COL1A2: variants seen among roughly 807,000 people sequenced by gnomAD.
COL1A2 encodes collagen type I alpha 2 chain, also known as collagen alpha-2(I) chain.
COL1A2 carries 49 observed loss-of-function variants against 174.3 expected under a neutral mutation model. The ratio of observed to expected loss-of-function variants is 0.28; its 90% CI spans 0.22 to 0.36. COL1A2 has a LOEUF of 0.36. Ranked by LOEUF, COL1A2 falls within the 10% of genes least tolerant of loss-of-function variation. The pLI, the probability that COL1A2 is intolerant of heterozygous loss-of-function variation, is 1.00. For synonymous variants in COL1A2, 655 were observed against 606.6 expected (o/e 1.08, Z -1.17); for missense variants, 1,438 against 1,822.7 (o/e 0.79, Z 3.84).
chr7:94,408,168 T>A lies in COL1A2; in HGVS notation c.640-15T>A, dbSNP rs1197676844. ...TTAGCATTCTGGATTTTATTGAAAATATTTCTGCTTCTAGGGAGCCCGTGG... is the reference window on the plus strand; with the variant it reads ...TTAGCATTCTGGATTTTATTGAAAAAATTTCTGCTTCTAGGGAGCCCGTGG... On this transcript the variant is annotated splice_polypyrimidine_tract_variant and intron_variant, in intron 13 of 51. Transcript: ENST00000297268. 6.2e-7 allele frequency: 1 copy of A among 1,613,642 alleles called. No individual in the cohort carries two copies. The highest frequency in any genetic ancestry group is 8.5e-7 in the Non-Finnish European group (1 of 1,179,782).
Position 94,427,782 on chromosome 7 carries a change from T to C in COL1A2, c.3423T>C (p.Ser1141=). Residue 1141 remains serine, a synonymous_variant, in exon 49 of 52, where the codon TCT becomes TCC. Transcript: ENST00000297268. ...KDYEVDATLK[S]LNNQIETLLT... ...ATGAAGTTGATGCTACTCTGAAGTC[T>C]CTCAACAACCAGATTGAGACCCTTC... 2 of 1,614,114 alleles carry C rather than the reference T, an allele frequency of 1.2e-6. No homozygotes were observed. Among genetic ancestry groups the C allele is most frequent in the South Asian group, 2.2e-5 (2 of 91,070 alleles).
chr7:94,413,078 T>G lies in COL1A2; in HGVS notation c.1504-5T>G. 6.2e-7 allele frequency: 1 copy of G among 1,614,060 alleles called. No homozygotes were observed. The highest frequency in any genetic ancestry group is 8.5e-7 in the Non-Finnish European group (1 of 1,179,918). ...TCTTTGTTTTGTTTTTCATTTTTAC[T>G]CTAGGGTGATCCTGGCAAAAACGGT... is the stretch of plus-strand genomic sequence containing the variant. On this transcript the variant is annotated splice_region_variant and splice_polypyrimidine_tract_variant and intron_variant, in intron 25 of 51. Transcript: ENST00000297268.
At chr7:94,395,776 A>C (rs1050030279) in intron 1 of COL1A2, among the ~76,000 whole-genome samples, 7 of 152,224 alleles carry the variant, frequency 4.6e-5, no homozygotes, top group African/African-American at 1.7e-4. Flanking sequence ...CCTGGAAAGA[A>C]GAATGGATGC....
At position 94,425,159 on chromosome 7, in the gene COL1A2, C is replaced by T. The variant is rs1384188360; in HGVS notation, c.2716C>T (p.Arg906Cys). 5 of 1,614,020 alleles carry T rather than the reference C, an allele frequency of 3.1e-6. No homozygotes were observed. The highest frequency in any genetic ancestry group is 2.2e-5 in the East Asian group (1 of 44,888). ...TGGCATTGCCGGCCCTCCTGGGGCC[C>T]GTGGTCCTCCTGGTGCTGTGGGTAG... ...PLGIAGPPGA[R>C]GPPGAVGSPG... The change falls in exon 42 of 52, where the codon CGT becomes TGT. Residue 906 changes from arginine (R) to cysteine (C), a missense_variant. Physicochemically the swap from Arg to Cys is radical, Grantham distance 180. Around this residue, in one of 3 missense-constraint regions of COL1A2, gnomAD observed 867 missense variants for 1,213.7 expected, o/e 0.71. Transcript: ENST00000297268.
Position 94,399,042 on chromosome 7 carries a change from C to T in COL1A2, c.97-7C>T, listed in dbSNP as rs374282257. On this transcript the variant is annotated splice_polypyrimidine_tract_variant and splice_region_variant and intron_variant, in intron 3 of 51. Coordinates refer to ENST00000297268, the MANE Select transcript of COL1A2 (RefSeq NM_000089.4). ...TTATTATTGTCCTGTTTGTATCTTT[C>T]CTGTAGGGCCCAGCCGGAGATAGAG... 27 of 1,613,306 alleles carry T rather than the reference C, an allele frequency of 1.7e-5. No individual in the cohort carries two copies. The African/African-American group carries it at 3.5e-4, about 21-fold the overall frequency.
In COL1A2 at chr7:94,404,531, G is replaced by C. The variant is rs760977264; in HGVS notation, c.280-25G>C. ...CCATGACAACTTATCAGTGCTAACT[G>C]TTGATATATCTGCTTTCTTTACAGG... On this transcript the variant is annotated intron_variant, in intron 6 of 51. Transcript: ENST00000297268. 5 of 1,612,204 alleles carry C rather than the reference G, an allele frequency of 3.1e-6. No individual in the cohort carries two copies. The East Asian group carries it at 1.1e-4, about 36-fold the overall frequency.
rs757843290 is a variant in COL1A2 at position 94,401,531 on chromosome 7, A to T, written c.226-36A>T. 16 of 966,590 alleles carry T rather than the reference A, an allele frequency of 1.7e-5. No homozygotes were observed. The South Asian group carries it at 2.4e-4, about 14-fold the overall frequency. The allele number at this position is 966,590 out of a possible 1,614,324, so 59.9% of individuals were successfully genotyped here. On this transcript the variant is annotated intron_variant, in intron 5 of 51. Coordinates refer to ENST00000297268, the MANE Select transcript of COL1A2 (RefSeq NM_000089.4). ...CATGACTAGTAACTAAAAATATTTT[A>T]TATATATATATAATTTTTTTTTTTT...
intron 1 of COL1A2, 193 bp downstream of exon 1, chr7:94,395,294 G>A: frequency 1.4e-6 from 1 of 707,386 alleles, no homozygotes. Flanking sequence ...TAAAAGCCTT[G>A]CCAAAAGTTA....
At chr7:94,406,370 G>A in intron 12 of COL1A2, 67 bp downstream of exon 12, 2 of 1,449,882 alleles carry the variant, frequency 1.4e-6, no homozygotes, top group Non-Finnish European at 1.9e-6. Flanking sequence ...CTCCAAAAAA[G>A]TATATTATAC....
At chr7:94,415,950 G>A (rs1037259270) in intron 30 of COL1A2, among the ~76,000 whole-genome samples, 3 of 152,058 alleles carry the variant, frequency 2.0e-5, no homozygotes, top group African/African-American at 7.2e-5. Flanking sequence ...TATGAATATT[G>A]TAACTGTTAT....
At chr7:94,406,388 T>A in intron 12 of COL1A2, 85 bp downstream of exon 12, 1 of 1,168,218 alleles carries the variant, frequency 8.6e-7, no homozygotes, top group South Asian at 1.3e-5. Flanking sequence ...TACTGAAGAC[T>A]ACCCATATTA....
At chr7:94,399,979 A>G in intron 4 of COL1A2, 2 of 685,174 alleles carry the variant, frequency 2.9e-6, no homozygotes, top group South Asian at 3.0e-5. Flanking sequence ...TGGCCGAGAT[A>G]GTTCTTTAGG....
chr7:94,413,466 G>A (rs1791974540), intron 26 of COL1A2, among the ~76,000 whole-genome samples: 1 of 152,156 alleles, frequency 6.6e-6, no homozygotes, highest in Admixed American at 6.5e-5. Context: ...CATATCAAAA[G>A]TTAGTAGGCA....
chr7:94,412,719 T>C (rs1271282582), intron 25 of COL1A2, 37 bp downstream of exon 25: 2 of 1,578,926 alleles, frequency 1.3e-6, no homozygotes, highest in Admixed American at 3.4e-5. Context: ...CTCAGCACTT[T>C]CTGTAGCCAA....
chr7:94,425,023 A>G, intron 41 of COL1A2, 94 bp from the exon 42 acceptor site: 1 of 1,081,702 alleles, frequency 9.2e-7, no homozygotes, highest in South Asian at 1.3e-5. Flanking sequence ...TTCTTCCTTC[A>G]AACTAGAATC....
At position 94,417,777 on chromosome 7, in the gene COL1A2, T is replaced by C; in HGVS notation, c.1917T>C (p.Ser639=). The change falls in exon 32 of 52, where the codon AGT becomes AGC. Residue 639 remains serine (S), a synonymous_variant. Transcript: ENST00000297268. ...GCACTGCTGGTCCATCTGGTCCTAG[T>C]GGACTCCCAGGAGAGAGGGGTGCTG... is the stretch of plus-strand genomic sequence containing the variant. ...AVGTAGPSGP[S]GLPGERGAAG... is the part of the protein sequence containing the mutation. 1 of 1,605,126 alleles carries C rather than the reference T, an allele frequency of 6.2e-7. No homozygotes were observed. The highest frequency in any genetic ancestry group is 1.1e-5 in the South Asian group (1 of 88,636).
rs992225434 is a variant in COL1A2, at chr7:94,404,558, C to T, written c.282C>T (p.Gly94=). The change falls in exon 7 of 52, where the codon GGC becomes GGT. Residue 94 remains glycine, a splice_region_variant and synonymous_variant. Transcript: ENST00000297268. ...TGATATATCTGCTTTCTTTACAGGG[C>T]TTAATGGGACCTAGAGGCCCACCTG... ...KGVGLGPGPM[G]LMGPRGPPGA... The T allele has an allele frequency of 1.2e-6, 2 of 1,613,220 alleles. No individual in the cohort carries two copies. The highest frequency in any genetic ancestry group is 1.7e-6 in the Non-Finnish European group (2 of 1,179,962).
chr7:94,426,144 G>A, intron 45 of COL1A2, 93 bp downstream of exon 45: 6 of 1,236,890 alleles, frequency 4.9e-6, no homozygotes, highest in East Asian at 2.3e-5. Context: ...ATATCAGCTA[G>A]ACTTAATATT....
chr7:94,408,413 T>C, intron 15 of COL1A2, 33 bp downstream of exon 15: 1 of 1,611,048 alleles, frequency 6.2e-7, no homozygotes, highest in African/African-American at 1.3e-5. Flanking sequence ...TTGAAAGGAG[T>C]TGAGAATGTG....
Sources: allele counts gnomAD v4.1 joint callset (sites outside exome capture counted in the v4.1 genomes callset), GRCh38; gene constraint gnomAD v4.1.1; regional missense constraint gnomAD v4.1.1; transcripts MANE v1.5; gene names NCBI Gene and HGNC (gene_info 2026-07-23, HGNC 2026-07-21).